The following UBAP2 variants were observed in gnomAD, a reference collection of about 807,000 sequenced individuals.
The protein encoded by UBAP2 is ubiquitin-associated protein 2.
A neutral mutation model predicts 139.6 loss-of-function variants in UBAP2; 75 were observed. The ratio of observed to expected loss-of-function variants is 0.54; its 90% CI spans 0.45 to 0.65. The LOEUF (loss-of-function observed/expected upper bound fraction) is 0.65, where lower values mean the gene tolerates loss of function less well. Among genes scored for constraint, UBAP2 ranks in the 30% least tolerant of loss-of-function variants. The pLI, the probability that UBAP2 is intolerant of heterozygous loss-of-function variation, is 0.00. For synonymous variants in UBAP2, 526 were observed against 526.2 expected (o/e 1.00, Z 0.01); for missense variants, 1,368 against 1,369.6 (o/e 1.00, Z 0.02).
At chr9:33,965,262 TCCC>T (rs759989236) in intron 8 of UBAP2, among the ~76,000 whole-genome samples, 7 of 152,114 alleles carry the variant, frequency 4.6e-5, no homozygotes, top group African/African-American at 9.7e-5. Context: ...TTCCATTTTT[TCCC>T]CCCATTTTTA....
At chr9:33,963,838 A>G (rs775398961) in intron 8 of UBAP2, 47 bp from the exon 9 acceptor site, 4 of 1,413,686 alleles carry the variant, frequency 2.8e-6, no homozygotes, top group Middle Eastern at 1.8e-4. Flanking sequence ...GAAAAGAATG[A>G]AAGTATTCAT....
Position 33,962,645 on chromosome 9 carries a change from A to AAAATAAATAAATAAAT in UBAP2, c.745+1065_745+1080dup, listed in dbSNP as rs57313855. ...GGCAACAGAGCAAGACTCTATCTCA[A>AAAATAAATAAATAAAT]AAATAAATAAATAAATAAATAAATA... is the stretch of plus-strand genomic sequence containing the variant. On this transcript the variant is annotated intron_variant, in intron 9 of 28. Coordinates refer to ENST00000379238, the MANE Select transcript of UBAP2 (RefSeq NM_001370062.2). Among the ~76,000 whole-genome samples, 352 of 139,268 alleles carry AAAATAAATAAATAAAT rather than the reference A, an allele frequency of 2.5e-3. 3 individuals carry two copies. Among genetic ancestry groups the AAAATAAATAAATAAAT allele is most frequent in the African/African-American group, 7.6e-3 (279 of 36,940 alleles). The allele number at this position is 139,268 out of a possible 152,430, so 91.4% of individuals were successfully genotyped here.
At chr9:33,992,664 G>T (rs574886480) in intron 4 of UBAP2, among the ~76,000 whole-genome samples, 4 of 146,012 alleles carry the variant, frequency 2.7e-5, no homozygotes, top group African/African-American at 5.0e-5. Flanking sequence ...GCGGAGGGGG[G>T]GGGGCACAAA....
intron 6 of UBAP2, among the ~76,000 whole-genome samples, chr9:33,980,450 C>T (rs1369963440): frequency 6.6e-6 from 1 of 150,594 alleles, no homozygotes; most frequent in Non-Finnish European, 1.5e-5. Context: ...ACCGTGTTAG[C>T]CAGGGTGGTC....
At chr9:34,016,018 A>C (rs1193326879) in intron 2 of UBAP2, among the ~76,000 whole-genome samples, 4 of 152,102 alleles carry the variant, frequency 2.6e-5, no homozygotes, top group Non-Finnish European at 1.5e-5. Context: ...ACTACTTCAG[A>C]CTATTAGTTC....
chr9:34,004,482 CAAAAAAAGGAA>C (rs1823000301), intron 2 of UBAP2, among the ~76,000 whole-genome samples: 1 of 149,556 alleles, frequency 6.7e-6, no homozygotes, highest in African/African-American at 2.5e-5. Context: ...AACCTGGTCA[CAAAAAAAGGAA>C]AAAAAAAGGC....
intron 12 of UBAP2, among the ~76,000 whole-genome samples, chr9:33,949,293 T>C (rs907814240): frequency 1.3e-5 from 2 of 152,122 alleles, no homozygotes; most frequent in Non-Finnish European, 2.9e-5. Context: ...GACAAAGATA[T>C]GCTTGACCAA....
chr9:33,964,713 TA>T (rs201230777), intron 8 of UBAP2, among the ~76,000 whole-genome samples: 9 of 146,188 alleles, frequency 6.2e-5, no homozygotes, highest in Non-Finnish European at 3.0e-5. Flanking sequence ...CCCCATCTCT[TA>T]AAAAAAAAAG....
chr9:34,036,792 C>T (rs1826411810), intron 1 of UBAP2, among the ~76,000 whole-genome samples: 1 of 149,734 alleles, frequency 6.7e-6, no homozygotes, highest in South Asian at 2.1e-4. Context: ...GAATATACTA[C>T]CTTAAGTTTT....
chr9:34,022,866 G>A (rs1825082969), intron 1 of UBAP2, among the ~76,000 whole-genome samples: 1 of 152,140 alleles, frequency 6.6e-6, no homozygotes, highest in African/African-American at 2.4e-5. Context: ...TTTACTCATA[G>A]ATTTCCAGTT....
At chr9:33,930,810 C>T (rs958870953) in intron 19 of UBAP2, among the ~76,000 whole-genome samples, 1 of 147,580 alleles carries the variant, frequency 6.8e-6, no homozygotes, top group Non-Finnish European at 1.5e-5. Context: ...GCAGGAGGAT[C>T]GCTTGAACCC....
At chr9:33,984,110 GC>G (rs1245852655) in intron 6 of UBAP2, among the ~76,000 whole-genome samples, 4 of 151,842 alleles carry the variant, frequency 2.6e-5, no homozygotes, top group African/African-American at 9.7e-5. Context: ...TACCATGTTG[GC>G]CAGGGTGGTC....
chr9:34,016,176 G>C (rs1824241299), intron 2 of UBAP2, among the ~76,000 whole-genome samples: 2 of 145,876 alleles, frequency 1.4e-5, no homozygotes, highest in Admixed American at 1.4e-4. Flanking sequence ...AGGAGGAGGA[G>C]GAGGAAGAGG....
intron 19 of UBAP2, 39 bp from the exon 20 acceptor site, chr9:33,928,031 A>AGAG: frequency 6.3e-7 from 1 of 1,579,132 alleles, no homozygotes; most frequent in Non-Finnish European, 8.6e-7. Flanking sequence ...ATCTGGAGGC[A>AGAG]GAGGAGGAGG....
intron 6 of UBAP2, among the ~76,000 whole-genome samples, chr9:33,974,501 T>C (rs1004192814): frequency 5.3e-5 from 8 of 151,966 alleles, no homozygotes; most frequent in African/African-American, 1.9e-4. Context: ...AGTGAGACCA[T>C]TTCTCAAAAA....
At chr9:34,035,065 C>T (rs10123731) in intron 1 of UBAP2, among the ~76,000 whole-genome samples, 19,303 of 152,036 alleles carry the variant, frequency 0.13, 1,559 homozygotes, top group African/African-American at 0.22. Flanking sequence ...CCTCACTAAA[C>T]ATCTCCTTAA....
At chr9:33,993,169 C>T (rs1821862338) in intron 4 of UBAP2, among the ~76,000 whole-genome samples, 1 of 152,182 alleles carries the variant, frequency 6.6e-6, no homozygotes, top group African/African-American at 2.4e-5. Flanking sequence ...TCCTTAAAAA[C>T]ATCATGGACG....
At chr9:34,039,004 C>A (rs62558833) in intron 1 of UBAP2, among the ~76,000 whole-genome samples, 1 of 150,042 alleles carries the variant, frequency 6.7e-6, no homozygotes, top group African/African-American at 2.4e-5. Context: ...CGTCTCTGCC[C>A]GGCCGACCCG....
intron 16 of UBAP2, among the ~76,000 whole-genome samples, chr9:33,937,158 A>G (rs1410248329): frequency 1.3e-5 from 2 of 151,872 alleles, no homozygotes; most frequent in Non-Finnish European, 2.9e-5. Flanking sequence ...TGAAAATTAT[A>G]TTGCATGGTA....
Sources: gnomAD v4.1 joint callset for allele counts (sites outside exome capture counted in the v4.1 genomes callset) on GRCh38, gnomAD v4.1.1 for gene constraint, MANE v1.5 for transcripts, NCBI Gene and HGNC (gene_info 2026-07-23, HGNC 2026-07-21) for gene names.